SORCS1: variants seen among roughly 807,000 people sequenced by gnomAD.
SORCS1 encodes the protein VPS10 domain-containing receptor SorCS1.
SORCS1 carries 60 observed loss-of-function variants against 146.1 expected under a neutral mutation model. The observed-to-expected ratio is 0.41, with a 90% CI of 0.33 to 0.51. SORCS1 has a LOEUF of 0.51. Among genes scored for constraint, SORCS1 ranks in the 20% least tolerant of loss-of-function variants. The probability of loss-of-function intolerance (pLI) is 0.21; values close to 1 mark genes in which losing one functional copy is unlikely to be tolerated. For synonymous variants in SORCS1, 637 were observed against 584.0 expected, an observed-to-expected ratio of 1.09 and a Z score of -1.31; for missense variants, 1,352 against 1,487.6, an observed-to-expected ratio of 0.91 and a Z score of 1.50.
chr10:106,870,416 C>A (rs997732423), intron 2 of SORCS1, among the ~76,000 whole-genome samples: 2 of 152,134 alleles, frequency 1.3e-5, no homozygotes, highest in Non-Finnish European at 2.9e-5. Context: ...CTGGAGGCAC[C>A]ACATTTCCTG....
upstream of SORCS1, among the ~76,000 whole-genome samples, chr10:107,165,029 C>T (rs1296021615): frequency 2.0e-5 from 3 of 151,730 alleles, no homozygotes. This position sits in a 1 kb window ranked among gnomAD's most constrained non-coding sequence, Gnocchi z 4.0. Context: ...CCCGGGCTCC[C>T]GGAGCAGTCG....
At chr10:106,914,935 G>T (rs1194387887) in intron 2 of SORCS1, among the ~76,000 whole-genome samples, 1 of 152,074 alleles carries the variant, frequency 6.6e-6, no homozygotes, top group Admixed American at 6.6e-5. Flanking sequence ...CCAATCAGTG[G>T]TGCTGACAGC....
At chr10:106,734,885 C>T (rs945504267) in intron 5 of SORCS1, among the ~76,000 whole-genome samples, 11 of 152,060 alleles carry the variant, frequency 7.2e-5, no homozygotes, top group African/African-American at 2.7e-4. Context: ...TTAAAAAACT[C>T]TTGACCAGGC....
chr10:106,635,759 A>G (rs1286515173), intron 18 of SORCS1, among the ~76,000 whole-genome samples: 1 of 152,206 alleles, frequency 6.6e-6, no homozygotes, highest in Non-Finnish European at 1.5e-5. Context: ...ATGGAATACA[A>G]CCAACTGAAT....
At chr10:106,759,985 T>C (rs1213278805) in intron 5 of SORCS1, among the ~76,000 whole-genome samples, 1 of 152,180 alleles carries the variant, frequency 6.6e-6, no homozygotes, top group Non-Finnish European at 1.5e-5. Flanking sequence ...AGTATCTCTA[T>C]CTATATATGT....
At chr10:107,039,984 C>T (rs1959086166) in intron 1 of SORCS1, among the ~76,000 whole-genome samples, 1 of 152,096 alleles carries the variant, frequency 6.6e-6, no homozygotes, top group African/African-American at 2.4e-5. Context: ...CTGCTTAAGT[C>T]CAGGAGTTGA....
At chr10:107,148,263 C>A (rs1420771657) in intron 1 of SORCS1, among the ~76,000 whole-genome samples, 1 of 152,164 alleles carries the variant, frequency 6.6e-6, no homozygotes, top group Non-Finnish European at 1.5e-5. Flanking sequence ...CAGGCCTTGG[C>A]AAACGTTCCT....
At chr10:106,612,986 G>A (rs1017069697) in intron 21 of SORCS1, among the ~76,000 whole-genome samples, 2 of 148,494 alleles carry the variant, frequency 1.3e-5, no homozygotes, top group East Asian at 1.9e-4. Context: ...ACCCTCCCCC[G>A]GCTCACTACC....
At chr10:106,788,306 A>G (rs1946153782) in intron 3 of SORCS1, among the ~76,000 whole-genome samples, 1 of 152,066 alleles carries the variant, frequency 6.6e-6, no homozygotes, top group Non-Finnish European at 1.5e-5. Flanking sequence ...CCCAAATCTC[A>G]TGTCTTTTCA....
intron 1 of SORCS1, among the ~76,000 whole-genome samples, chr10:107,135,422 G>C (rs1252426838): frequency 1.3e-5 from 2 of 152,166 alleles, no homozygotes; most frequent in Non-Finnish European, 2.9e-5. Context: ...CATACACATA[G>C]ATCAGAATTC....
chr10:107,143,606 C>T (rs763321183), intron 1 of SORCS1, among the ~76,000 whole-genome samples: 7 of 152,230 alleles, frequency 4.6e-5, no homozygotes, highest in Non-Finnish European at 8.8e-5. Context: ...TGGGTTCAAG[C>T]GATTCTCCTG....
intron 3 of SORCS1, among the ~76,000 whole-genome samples, chr10:106,784,131 C>G (rs1451736200): frequency 1.3e-5 from 2 of 152,146 alleles, no homozygotes; most frequent in African/African-American, 4.8e-5. Flanking sequence ...TGCAGTGGCT[C>G]ACGCCTGTAA....
chr10:107,008,405 T>G (rs1344321487), intron 1 of SORCS1, among the ~76,000 whole-genome samples: 3 of 152,340 alleles, frequency 2.0e-5, no homozygotes, highest in South Asian at 2.1e-4. Context: ...ATGTAAATGT[T>G]ATTTAAAAGA....
At chr10:106,649,906 T>G (rs893367396) in intron 18 of SORCS1, among the ~76,000 whole-genome samples, 48 of 152,320 alleles carry the variant, frequency 3.2e-4, no homozygotes, top group African/African-American at 1.2e-3. Flanking sequence ...GTTCTTAATA[T>G]CAGTTATTAT....
chr10:107,030,519 C>T (rs1447327547), intron 1 of SORCS1, among the ~76,000 whole-genome samples: 4 of 152,300 alleles, frequency 2.6e-5, no homozygotes, highest in Non-Finnish European at 5.9e-5. Context: ...ATCACAAATA[C>T]AACAGGTGTA....
chr10:106,893,680 G>A (rs1263658592), intron 2 of SORCS1, among the ~76,000 whole-genome samples: 2 of 152,152 alleles, frequency 1.3e-5, no homozygotes, highest in African/African-American at 2.4e-5. Context: ...ATGAGGAAAG[G>A]TAATTTCTTT....
In SORCS1 at chr10:107,012,649, T is replaced by C. The variant is rs1375975997; in HGVS notation, c.559-56069A>G. ...GAACTAGCTCATGGAACAATCAGAA[T>C]TGGAACTAAGGTAATCTGCCTCTAG... On this transcript the variant is annotated intron_variant, in intron 1 of 25. Coordinates refer to ENST00000263054, the MANE Select transcript of SORCS1 (RefSeq NM_052918.5). Among the ~76,000 whole-genome samples, 4 of 152,262 alleles carry C rather than the reference T, an allele frequency of 2.6e-5. No individual in the cohort carries two copies. The South Asian group carries it at 8.3e-4, about 32-fold the overall frequency.
At chr10:107,065,415 T>TTTTCTTTCTTTCTCTTTCTTTCTTTC (rs1961664820) in intron 1 of SORCS1, among the ~76,000 whole-genome samples, 2 of 120,396 alleles carry the variant, frequency 1.7e-5, no homozygotes, top group Non-Finnish European at 3.1e-5. Flanking sequence ...TCTCTCTTTC[T>TTTTCTTTCTTTCTCTTTCTTTCTTTC]TTTCTTTCTT....
intron 1 of SORCS1, among the ~76,000 whole-genome samples, chr10:107,143,600 T>C (rs1156553646): frequency 6.6e-6 from 1 of 152,016 alleles, no homozygotes; most frequent in Non-Finnish European, 1.5e-5. Flanking sequence ...GCCTCCTGGG[T>C]TCAAGCGATT....
Sources: gnomAD v4.1 joint callset for allele counts (sites outside exome capture counted in the v4.1 genomes callset) on GRCh38, gnomAD v4.1.1 for gene constraint, Gnocchi (gnomAD v3.1) non-coding constraint, MANE v1.5 for transcripts, NCBI Gene and HGNC (gene_info 2026-07-23, HGNC 2026-07-21) for gene names.